The following EHMT2 variants were observed in gnomAD, a reference collection of about 807,000 sequenced individuals.
EHMT2 encodes histone-lysine N-methyltransferase EHMT2.
Under a neutral mutation model 143.3 loss-of-function variants are expected in EHMT2, and 59 were observed. That is an observed-to-expected ratio of 0.41 (90% confidence interval 0.33 to 0.51). The LOEUF (loss-of-function observed/expected upper bound fraction) is 0.51, where lower values mean the gene tolerates loss of function less well. Among genes scored for constraint, EHMT2 ranks in the 20% least tolerant of loss-of-function variants. The pLI is 0.18. For synonymous variants in EHMT2, 604 were observed against 651.5 expected, an observed-to-expected ratio of 0.93 and a Z score of 1.11; for missense variants, 1,174 against 1,645.9, an observed-to-expected ratio of 0.71 and a Z score of 4.96.
At chr6:31,885,729 T>TA (rs1420901827) in intron 18 of EHMT2, 1 of 152,032 alleles carries the variant, frequency 6.6e-6, no homozygotes, top group Non-Finnish European at 1.5e-5. Context: ...CCCTGTCTCT[T>TA]AAAAGAAAAA....
chr6:31,882,234 G>A (rs1379882307), intron 25 of EHMT2, among the ~76,000 whole-genome samples: 1 of 152,094 alleles, frequency 6.6e-6, no homozygotes, highest in Non-Finnish European at 1.5e-5. Flanking sequence ...CTGATGGAGA[G>A]GGACAGGCCC....
At chr6:31,897,536 C>G in intron 1 of EHMT2, 100 bp downstream of exon 1, 5 of 953,346 alleles carry the variant, frequency 5.2e-6, no homozygotes, top group Non-Finnish European at 3.9e-6. Flanking sequence ...CCCGCCCGGG[C>G]CCCCCGGCCC....
Position 31,883,447 on chromosome 6 carries a change from G to C in EHMT2, c.2917-8C>G, listed in dbSNP as rs373629576. 679 of 1,610,690 alleles carry C rather than the reference G, an allele frequency of 4.2e-4. 1 individual carries two copies. In the Middle Eastern group the frequency reaches 8.4e-3, roughly 20 times the overall value. ...GTCCACACACGTGCAGTGCTGGGGCGAGGAGGCAGAGGTCAGCTCAACCCC... is the reference window on the plus strand; with the variant it reads ...GTCCACACACGTGCAGTGCTGGGGCCAGGAGGCAGAGGTCAGCTCAACCCC... On this transcript the variant is annotated splice_polypyrimidine_tract_variant and splice_region_variant and intron_variant, in intron 22 of 27. Transcript: ENST00000375537. This position sits in a 1 kb window ranked among gnomAD's most constrained non-coding sequence, Gnocchi z 5.6.
Position 31,889,690 on chromosome 6 carries a change from G to T in EHMT2, c.865-88C>A. The T allele has an allele frequency of 6.5e-7, 1 of 1,536,192 alleles. No individual in the cohort carries two copies. On this transcript the variant is annotated intron_variant, in intron 7 of 27. Transcript: ENST00000375537. The surrounding 1 kb of genome is among the most constrained non-coding windows in gnomAD (Gnocchi z 5.1). ...AAAACCACCACCACCATTGCCCCCC[G>T]CCACTACCCACGGATGGCTGCTGGG...
chr6:31,883,432 G>C lies in EHMT2; in HGVS notation c.2924C>G (p.Thr975Arg). Residue 975 changes from threonine to arginine, a missense_variant, in exon 23 of 28, where the codon ACG becomes AGG. Physicochemically the swap from Thr to Arg is moderately conservative, Grantham distance 71 (BLOSUM62 -1). Transcript: ENST00000375537. The surrounding 1 kb of genome is among the most constrained non-coding windows in gnomAD (Gnocchi z 5.6). ...GGAGCTAGAGCAGTCGTCCACACACGTGCAGTGCTGGGGCGAGGAGGCAGA... is the reference window on the plus strand; with the variant it reads ...GGAGCTAGAGCAGTCGTCCACACACCTGCAGTGCTGGGGCGAGGAGGCAGA... 6.2e-7 allele frequency: 1 copy of C among 1,612,550 alleles called. No homozygotes were observed. Among genetic ancestry groups the C allele is most frequent in the Non-Finnish European group, 8.5e-7 (1 of 1,179,782 alleles).
rs994314491 is a variant in EHMT2, at chr6:31,884,144, T to C, written c.2772-194A>G. 1.1e-5 allele frequency: 8 copies of C among 717,784 alleles called. No homozygotes were observed. In the African/African-American group the frequency reaches 1.4e-4, roughly 13 times the overall value. The allele number at this position is 717,784 out of a possible 1,614,324, so 44.5% of individuals were successfully genotyped here. Reference sequence around the variant, plus strand: ...ATAGCTTTTTAGTATGTCCCAAAAATTACACAGGACATTCTCACACTAAAA... The same window carrying C: ...ATAGCTTTTTAGTATGTCCCAAAAACTACACAGGACATTCTCACACTAAAA... On this transcript the variant is annotated intron_variant, in intron 21 of 27. Transcript: ENST00000375537. The surrounding 1 kb of genome is among the most constrained non-coding windows in gnomAD (Gnocchi z 7.3).
chr6:31,887,195 G>A, intron 15 of EHMT2, 94 bp from the exon 16 acceptor site: 1 of 1,063,358 alleles, frequency 9.4e-7, no homozygotes. Flanking sequence ...GCTTCTCAGG[G>A]CCCCAAGCTG....
chr6:31,892,282 G>T, intron 7 of EHMT2, 125 bp downstream of exon 7: 1 of 1,117,820 alleles, frequency 8.9e-7, no homozygotes, highest in Non-Finnish European at 1.3e-6. Flanking sequence ...ATGGGGCAAT[G>T]ACTTAGTGGA....
rs1764005786 is a variant in EHMT2 at position 31,880,757 on chromosome 6, C to T, written c.3368G>A (p.Arg1123Gln). ...CAGGTCTTGGTGCAGCATGAAGACCCGGACGGGAATGATGTTGGGGTCACA... is the reference window on the plus strand; with the variant it reads ...CAGGTCTTGGTGCAGCATGAAGACCTGGACGGGAATGATGTTGGGGTCACA... The change falls in exon 27 of 28, where the codon CGG becomes CAG. Residue 1123 changes from arginine (R) to glutamine (Q), a missense_variant. Arg to Gln is a conservative substitution (Grantham distance 43, BLOSUM62 1). Transcript: ENST00000375537. This position sits in a 1 kb window ranked among gnomAD's most constrained non-coding sequence, Gnocchi z 6.6. 6.2e-7 allele frequency: 1 copy of T among 1,613,916 alleles called. No homozygotes were observed. The highest frequency in any genetic ancestry group is 8.5e-7 in the Non-Finnish European group (1 of 1,180,008).
chr6:31,884,252 G>A lies in EHMT2; in HGVS notation c.2771+140C>T. On this transcript the variant is annotated intron_variant, in intron 21 of 27. Transcript: ENST00000375537. This position sits in a 1 kb window ranked among gnomAD's most constrained non-coding sequence, Gnocchi z 7.3. Reference sequence around the variant, plus strand: ...TGCTGTATCTGGCAACCCTAGTGGGGAGGGGGCCTGTGGGTGGTTCTGGGG... The same window carrying A: ...TGCTGTATCTGGCAACCCTAGTGGGAAGGGGGCCTGTGGGTGGTTCTGGGG... The A allele has an allele frequency of 2.0e-6, 2 of 1,003,566 alleles. No homozygotes were observed. The highest frequency in any genetic ancestry group is 2.9e-6 in the Non-Finnish European group (2 of 700,136). The allele number at this position is 1,003,566 out of a possible 1,614,324, so 62.2% of individuals were successfully genotyped here.
exon 4 of EHMT2, chr6:31,896,340 G>A (rs755487400): frequency 1.9e-6 from 3 of 1,613,038 alleles, no homozygotes; most frequent in East Asian, 2.2e-5. Flanking sequence ...GTGGTGGCTG[G>A]AGGGGGTTCA....
Position 31,884,406 on chromosome 6 carries a change from C to G in EHMT2, c.2757G>C (p.Glu919Asp). Reference sequence around the variant, plus strand: ...CCAGGGCTCACCGGCAGATGATCTTCTCTGTGCGGATGGCCCGATTTCCCA... The same window carrying G: ...CCAGGGCTCACCGGCAGATGATCTTGTCTGTGCGGATGGCCCGATTTCCCA... Residue 919 changes from glutamate (E) to aspartate (D), a missense_variant, in exon 21 of 28, where the codon GAG becomes GAC. Physicochemically the swap from Glu to Asp is conservative, Grantham distance 45 (BLOSUM62 2). Around this residue, in one of 6 missense-constraint regions of EHMT2, gnomAD observed 608 missense variants for 903.7 expected, o/e 0.67. Transcript: ENST00000375537. The surrounding 1 kb of genome is among the most constrained non-coding windows in gnomAD (Gnocchi z 7.3). 6.2e-7 allele frequency: 1 copy of G among 1,612,350 alleles called. No homozygotes were observed. The highest frequency in any genetic ancestry group is 8.5e-7 in the Non-Finnish European group (1 of 1,179,938).
chr6:31,882,812 G>A, intron 24 of EHMT2, 27 bp from the exon 25 acceptor site: 1 of 1,612,126 alleles, frequency 6.2e-7, no homozygotes, highest in South Asian at 1.1e-5. Flanking sequence ...TGGCGCTGTT[G>A]GGTGGAGGCC....
At chr6:31,882,589 G>A in intron 25 of EHMT2, 110 bp downstream of exon 25, 1 of 1,098,216 alleles carries the variant, frequency 9.1e-7, no homozygotes, top group Non-Finnish European at 1.3e-6. Flanking sequence ...AGAGTGGCCA[G>A]ATGGAGACAT....
In EHMT2 at chr6:31,889,144, T is replaced by C; in HGVS notation, c.1115-74A>G. On this transcript the variant is annotated intron_variant, in intron 9 of 27. Coordinates refer to ENST00000375537, the Ensembl canonical transcript of EHMT2. This position sits in a 1 kb window ranked among gnomAD's most constrained non-coding sequence, Gnocchi z 5.1. ...ACGCGTGGGTACATGCAGGTGGACA[T>C]GCGAGAGCGTGTGTGTGCGTGCACA... 1 of 1,532,854 alleles carries C rather than the reference T, an allele frequency of 6.5e-7. No individual in the cohort carries two copies. The highest frequency in any genetic ancestry group is 8.9e-7 in the Non-Finnish European group (1 of 1,125,554). 95.0% of individuals were successfully genotyped at this position (1,532,854 alleles called of 1,614,324 possible).
rs1765330243 is a variant in EHMT2, at chr6:31,889,159, G to A, written c.1114+69C>T. On this transcript the variant is annotated intron_variant, in intron 9 of 27. Transcript: ENST00000375537. The surrounding 1 kb of genome is among the most constrained non-coding windows in gnomAD (Gnocchi z 5.1). ...CAGGTGGACATGCGAGAGCGTGTGT[G>A]TGCGTGCACACACTCTGGGGGGCCG... The A allele has an allele frequency of 1.9e-6, 3 of 1,544,092 alleles. No individual in the cohort carries two copies. The highest frequency in any genetic ancestry group is 2.6e-6 in the Non-Finnish European group (3 of 1,136,012).
Position 31,884,018 on chromosome 6 carries a change from G to T in EHMT2, c.2772-68C>A. On this transcript the variant is annotated intron_variant, in intron 21 of 27. Coordinates refer to ENST00000375537, the Ensembl canonical transcript of EHMT2. The surrounding 1 kb of genome is among the most constrained non-coding windows in gnomAD (Gnocchi z 7.3). ...GGTGAGGAGCTACTCCAGGTATAAG[G>T]AAGAGAGTTGGGGAGGTTCCTGGGG... is the stretch of plus-strand genomic sequence containing the variant. 1 of 1,566,888 alleles carries T rather than the reference G, an allele frequency of 6.4e-7. No individual in the cohort carries two copies.
At position 31,883,431 on chromosome 6, in the gene EHMT2, C is replaced by T. The variant is rs150923476; in HGVS notation, c.2925G>A (p.Thr975=). 2.3e-4 allele frequency: 366 copies of T among 1,612,666 alleles called. 2 individuals carry two copies. In the African/African-American group the frequency reaches 2.8e-3, roughly 12 times the overall value. Residue 975 remains threonine, a synonymous_variant, in exon 23 of 28, where the codon ACG becomes ACA. Transcript: ENST00000375537. This position sits in a 1 kb window ranked among gnomAD's most constrained non-coding sequence, Gnocchi z 5.6. ...TGGAGCTAGAGCAGTCGTCCACACA[C>T]GTGCAGTGCTGGGGCGAGGAGGCAG... is the stretch of plus-strand genomic sequence containing the variant.
At chr6:31,882,434 G>A (rs1340666976) in intron 25 of EHMT2, among the ~76,000 whole-genome samples, 2 of 151,946 alleles carry the variant, frequency 1.3e-5, no homozygotes, top group Admixed American at 6.6e-5. Context: ...GGAGGGGAAG[G>A]TAGAGGGTGG....
Sources: allele counts gnomAD v4.1 joint callset (sites outside exome capture counted in the v4.1 genomes callset), GRCh38; gene constraint gnomAD v4.1.1; regional missense constraint gnomAD v4.1.1; non-coding constraint Gnocchi (gnomAD v3.1); transcripts MANE v1.5; gene names NCBI Gene and HGNC (gene_info 2026-07-23, HGNC 2026-07-21).